Variants in PDE1C observed in about 807,000 individuals in gnomAD.
PDE1C encodes the protein phosphodiesterase 1C.
PDE1C carries 62 observed loss-of-function variants against 93.1 expected under a neutral mutation model. The observed-to-expected ratio is 0.67, with a 90% CI of 0.54 to 0.82. The LOEUF (loss-of-function observed/expected upper bound fraction) is 0.82, where lower values mean the gene tolerates loss of function less well. Ranked by LOEUF, PDE1C falls within the 40% of genes least tolerant of loss-of-function variation. The probability of loss-of-function intolerance (pLI) is 0.00; values close to 1 mark genes in which losing one functional copy is unlikely to be tolerated. For missense variants in PDE1C, 742 were observed against 884.6 expected (o/e 0.84, Z 2.04); for synonymous variants, 325 against 310.1 (o/e 1.05, Z -0.50).
At chr7:31,691,377 A>T in the PDE1C span, among the ~76,000 whole-genome samples, 1 of 152,166 alleles carries the variant, frequency 6.6e-6, no homozygotes, top group Non-Finnish European at 1.5e-5. Flanking sequence ...AAAAGAAAAG[A>T]ATTGGTTGGG....
the PDE1C span, among the ~76,000 whole-genome samples, chr7:31,731,354 TCATTAAGTACAA>T: frequency 0.097 from 14,795 of 151,870 alleles, 916 homozygotes; most frequent in East Asian, 0.23. Flanking sequence ...CCTCCTAATA[TCATTAAGTACAA>T]CATTGGGGTG....
intron 3 of PDE1C, among the ~76,000 whole-genome samples, chr7:32,090,923 C>T (rs1419258189): frequency 2.6e-5 from 4 of 152,136 alleles, no homozygotes; most frequent in African/African-American, 9.7e-5. Flanking sequence ...AAGAAAATGG[C>T]ATAAACTAAA....
At chr7:31,696,472 G>A in the PDE1C span, among the ~76,000 whole-genome samples, 1 of 152,196 alleles carries the variant, frequency 6.6e-6, no homozygotes, top group African/African-American at 2.4e-5. Context: ...TTTTTAGAGA[G>A]TTACTCAATA....
intron 11 of PDE1C, among the ~76,000 whole-genome samples, chr7:31,831,674 T>C (rs914589694): frequency 6.7e-6 from 1 of 150,312 alleles, no homozygotes; most frequent in African/African-American, 2.5e-5. Context: ...ATAACAATAA[T>C]AAAATAAAGT....
chr7:31,986,629 G>T (rs138042991), intron 2 of PDE1C, among the ~76,000 whole-genome samples: 1 of 152,086 alleles, frequency 6.6e-6, no homozygotes, highest in Non-Finnish European at 1.5e-5. Flanking sequence ...GCCATGTGAA[G>T]CAGGAGGAAG....
chr7:31,773,127 G>A (rs1483169630), intron 17 of PDE1C, among the ~76,000 whole-genome samples: 1 of 152,246 alleles, frequency 6.6e-6, no homozygotes, highest in African/African-American at 2.4e-5. Context: ...TCTGCACACT[G>A]TGTAGTACCA....
chr7:32,307,900 G>A (rs1032524393), intron 1 of PDE1C, among the ~76,000 whole-genome samples: 5 of 152,204 alleles, frequency 3.3e-5, no homozygotes, highest in African/African-American at 4.8e-5. Flanking sequence ...TGGGTGCAGC[G>A]CACTGTGCGT....
intron 1 of PDE1C, among the ~76,000 whole-genome samples, chr7:32,349,757 G>A (rs1360601743): frequency 1.3e-5 from 2 of 152,052 alleles, no homozygotes; most frequent in African/African-American, 4.8e-5. Flanking sequence ...AGCCTCCCAA[G>A]TAGCTGGGAC....
At position 31,890,286 on chromosome 7, in the gene PDE1C, A is replaced by C. The variant is rs529994509; in HGVS notation, c.129-9426T>G. Among the ~76,000 whole-genome samples, 3 of 152,368 alleles carry C rather than the reference A, an allele frequency of 2.0e-5. No individual in the cohort carries two copies. The East Asian group carries it at 5.8e-4, about 29-fold the overall frequency. On this transcript the variant is annotated intron_variant, in intron 2 of 17. Coordinates refer to ENST00000396191, the MANE Select transcript of PDE1C (RefSeq NM_001191057.4). Reference sequence around the variant, plus strand: ...CATTTGCAGCTATTCATGTGGAAAGAATCACTGTCACTTCTGCCTGCTGAT... The same window carrying C: ...CATTTGCAGCTATTCATGTGGAAAGCATCACTGTCACTTCTGCCTGCTGAT...
intron 1 of PDE1C, among the ~76,000 whole-genome samples, chr7:32,354,157 A>G (rs1308853367): frequency 6.6e-6 from 1 of 152,186 alleles, no homozygotes; most frequent in Non-Finnish European, 1.5e-5. Context: ...TAACTGCCAA[A>G]TTATTTCAGG....
At chr7:31,845,714 G>C (rs1021163609) in intron 9 of PDE1C, among the ~76,000 whole-genome samples, 6 of 152,228 alleles carry the variant, frequency 3.9e-5, no homozygotes, top group African/African-American at 1.2e-4. Context: ...AAGGTGGCCA[G>C]GCACAGTGGC....
chr7:31,971,094 A>T (rs922286056), intron 2 of PDE1C, among the ~76,000 whole-genome samples: 2 of 152,202 alleles, frequency 1.3e-5, no homozygotes, highest in Non-Finnish European at 2.9e-5. Flanking sequence ...GTGAGCCAAG[A>T]TCGCGCTACT....
chr7:31,715,245 CTTT>C, the PDE1C span, among the ~76,000 whole-genome samples: 2 of 146,886 alleles, frequency 1.4e-5, no homozygotes, highest in African/African-American at 5.0e-5. Context: ...GTAAAGGCCT[CTTT>C]TTTTTTTTGA....
intron 1 of PDE1C, among the ~76,000 whole-genome samples, chr7:32,370,437 A>G (rs1327883722): frequency 8.7e-6 from 1 of 114,500 alleles, no homozygotes; most frequent in Admixed American, 1.0e-4. Flanking sequence ...CGACAGAGTG[A>G]GACTCCTCTC....
At chr7:31,700,691 G>C in the PDE1C span, among the ~76,000 whole-genome samples, 2 of 152,082 alleles carry the variant, frequency 1.3e-5, no homozygotes, top group East Asian at 1.9e-4. Context: ...CAAAGGACAG[G>C]CCAACTCTCT....
chr7:31,819,016 G>A (rs1788625029), intron 14 of PDE1C, among the ~76,000 whole-genome samples: 1 of 152,040 alleles, frequency 6.6e-6, no homozygotes, highest in South Asian at 2.1e-4. Context: ...AAACAAACCT[G>A]GTTTTTCCTC....
At chr7:32,003,019 T>C (rs544811893) in intron 2 of PDE1C, among the ~76,000 whole-genome samples, 1 of 152,368 alleles carries the variant, frequency 6.6e-6, no homozygotes, top group African/African-American at 2.4e-5. Flanking sequence ...GGTCTACTAA[T>C]ATACTAAACC....
At chr7:31,704,799 T>A in the PDE1C span, among the ~76,000 whole-genome samples, 1 of 152,178 alleles carries the variant, frequency 6.6e-6, no homozygotes, top group African/African-American at 2.4e-5. Context: ...AGGCAAAGCT[T>A]TCTGGCTTCA....
chr7:32,204,539 G>A lies in PDE1C; in HGVS notation c.136+4950C>T, dbSNP rs74377904. 6.5e-3 allele frequency among the ~76,000 whole-genome samples: 989 copies of A among 152,278 alleles called. 29 individuals carry two copies. Among genetic ancestry groups the A allele is most frequent in the Admixed American group, 0.047 (720 of 15,298 alleles). ...CTCTGTCCAATGCACTGAATGCAGC[G>A]TCTTTTACGTCCTCTAGAGGAGAGG... On this transcript the variant is annotated intron_variant, in intron 2 of 18. Transcript: ENST00000396193.
Sources: allele counts gnomAD v4.1 joint callset (sites outside exome capture counted in the v4.1 genomes callset), GRCh38; gene constraint gnomAD v4.1.1; transcripts MANE v1.5; gene names NCBI Gene and HGNC (gene_info 2026-07-23, HGNC 2026-07-21).